Variants in NALF1 observed in about 807,000 individuals in gnomAD.
NALF1 encodes the protein NALCN channel auxiliary factor 1, also known as family with sequence similarity 155 member A.
NALF1 carries 3 observed loss-of-function variants against 48.4 expected under a neutral mutation model. The observed-to-expected ratio is 0.06, with a 90% CI of 0.03 to 0.16. NALF1 has a LOEUF of 0.16. Among genes scored for constraint, NALF1 ranks in the 10% least tolerant of loss-of-function variants. The pLI is 1.00. For synonymous variants in NALF1, 262 were observed against 245.7 expected, an observed-to-expected ratio of 1.07 and a Z score of -0.62; for missense variants, 526 against 571.5, an observed-to-expected ratio of 0.92 and a Z score of 0.81.
At chr13:107,288,241 ACGGAGTCT>A (rs1881538611) in intron 1 of NALF1, among the ~76,000 whole-genome samples, 2 of 118,924 alleles carry the variant, frequency 1.7e-5, no homozygotes, top group African/African-American at 3.2e-5. Context: ...TTTTTTTGAG[ACGGAGTCT>A]CGCTCTGTCG....
In NALF1 at chr13:107,745,867, G is replaced by T. The variant is rs181660951; in HGVS notation, c.915+119815C>A. The stretch of plus-strand genomic sequence containing the variant: ...GCTTTTCCCCCTTTGCTCAACAATT[G>T]TAATACAACAAAACAAAATCAGCAT... On this transcript the variant is annotated intron_variant, in intron 1 of 2. Transcript: ENST00000375915. Among the ~76,000 whole-genome samples the T allele has an allele frequency of 4.3e-3, 660 of 152,204 alleles. 4 individuals carry two copies. Among genetic ancestry groups the T allele is most frequent in the African/African-American group, 0.015 (618 of 41,532 alleles).
At chr13:107,249,894 G>A (rs9514637) in intron 1 of NALF1, among the ~76,000 whole-genome samples, 29,657 of 152,022 alleles carry the variant, frequency 0.2, 3,541 homozygotes, top group South Asian at 0.41. Flanking sequence ...TAAGGGACAC[G>A]CAGTCAATTA....
intron 1 of NALF1, among the ~76,000 whole-genome samples, chr13:107,571,571 T>G (rs1411983119): frequency 6.6e-6 from 1 of 152,210 alleles, no homozygotes; most frequent in African/African-American, 2.4e-5. Flanking sequence ...TTGTGCCTTT[T>G]GTAATAAACT....
intron 1 of NALF1, among the ~76,000 whole-genome samples, chr13:107,773,990 A>G (rs1033612169): frequency 4.0e-5 from 6 of 150,702 alleles, no homozygotes; most frequent in African/African-American, 1.5e-4. Context: ...TCCCCCTTAA[A>G]TGATCAAGTA....
intron 1 of NALF1, among the ~76,000 whole-genome samples, chr13:107,601,882 G>C (rs760811593): frequency 3.3e-5 from 5 of 152,182 alleles, no homozygotes; most frequent in Non-Finnish European, 5.9e-5. Context: ...CAATCGGAGA[G>C]AAATTACTGA....
chr13:107,828,595 A>C (rs1360518662), intron 1 of NALF1, among the ~76,000 whole-genome samples: 1 of 76,078 alleles, frequency 1.3e-5, no homozygotes, highest in Non-Finnish European at 2.8e-5. Flanking sequence ...ATCTATCTAT[A>C]TCTATATCTA....
intron 1 of NALF1, among the ~76,000 whole-genome samples, chr13:107,557,702 A>C (rs1204106172): frequency 1.3e-5 from 2 of 152,124 alleles, no homozygotes; most frequent in Non-Finnish European, 2.9e-5. Context: ...CAGACCCAGA[A>C]AGTTTCGGTG....
At chr13:107,763,081 A>C (rs759562219) in intron 1 of NALF1, among the ~76,000 whole-genome samples, 4 of 152,078 alleles carry the variant, frequency 2.6e-5, no homozygotes, top group Non-Finnish European at 5.9e-5. Flanking sequence ...AAGCTGAAAG[A>C]AAGAAAAATA....
intron 1 of NALF1, among the ~76,000 whole-genome samples, chr13:107,700,173 T>TA (rs1336539570): frequency 4.0e-5 from 6 of 150,842 alleles, no homozygotes; most frequent in South Asian, 2.1e-4. Context: ...TATTCAGAAC[T>TA]AAAAAAAACC....
At chr13:107,679,027 G>A (rs1458784677) in intron 1 of NALF1, among the ~76,000 whole-genome samples, 2 of 152,094 alleles carry the variant, frequency 1.3e-5, no homozygotes, top group Non-Finnish European at 2.9e-5. Context: ...TCCGTAAAAG[G>A]TCTTTAAGGC....
intron 1 of NALF1, among the ~76,000 whole-genome samples, chr13:107,618,181 A>G (rs555144936): frequency 6.6e-6 from 1 of 152,276 alleles, no homozygotes; most frequent in East Asian, 1.9e-4. Context: ...TGTTGGAAGA[A>G]AAGAGATTTC....
chr13:107,736,861 G>A (rs914239962), intron 1 of NALF1, among the ~76,000 whole-genome samples: 1 of 152,320 alleles, frequency 6.6e-6, no homozygotes, highest in East Asian at 1.9e-4. Context: ...AACATTTGAA[G>A]CTAAAACAAA....
chr13:107,814,588 A>T (rs887393982), intron 1 of NALF1, among the ~76,000 whole-genome samples: 3 of 152,188 alleles, frequency 2.0e-5, no homozygotes, highest in Admixed American at 6.5e-5. Context: ...CTAGAGATAA[A>T]GAGGGATACT....
intron 1 of NALF1, among the ~76,000 whole-genome samples, chr13:107,674,455 T>C (rs1881066334): frequency 6.6e-6 from 1 of 152,234 alleles, no homozygotes; most frequent in Admixed American, 6.5e-5. Context: ...TATAAGGTTT[T>C]GTTCATGCTG....
At chr13:107,814,619 T>C (rs1319039995) in intron 1 of NALF1, among the ~76,000 whole-genome samples, 2 of 152,050 alleles carry the variant, frequency 1.3e-5, no homozygotes, top group Non-Finnish European at 2.9e-5. Context: ...AAAAGGGTCA[T>C]CTCATCAGGA....
chr13:107,611,467 T>G (rs757002541), intron 1 of NALF1, among the ~76,000 whole-genome samples: 1 of 147,828 alleles, frequency 6.8e-6, no homozygotes, highest in African/African-American at 2.5e-5. Flanking sequence ...AAAGCAAATG[T>G]GGCACATAAA....
intron 1 of NALF1, among the ~76,000 whole-genome samples, chr13:107,715,600 T>C (rs1461845390): frequency 1.3e-5 from 2 of 152,174 alleles, no homozygotes; most frequent in Non-Finnish European, 2.9e-5. Context: ...TTCAGATTCA[T>C]GTGATGAGCC....
At chr13:107,842,964 C>T (rs1414501488) in intron 1 of NALF1, among the ~76,000 whole-genome samples, 4 of 152,066 alleles carry the variant, frequency 2.6e-5, no homozygotes, top group African/African-American at 9.7e-5. Context: ...GAGGATCATC[C>T]AGATGTTCCC....
chr13:107,281,631 C>A (rs775416304), intron 1 of NALF1, among the ~76,000 whole-genome samples: 8 of 152,206 alleles, frequency 5.3e-5, no homozygotes, highest in Non-Finnish European at 8.8e-5. Flanking sequence ...ATTGTCCTGA[C>A]TTCTTCGAAC....
Sources: allele counts gnomAD v4.1 joint callset (sites outside exome capture counted in the v4.1 genomes callset), GRCh38; gene constraint gnomAD v4.1.1; transcripts MANE v1.5; gene names NCBI Gene and HGNC (gene_info 2026-07-23, HGNC 2026-07-21).